USP10: variants seen among roughly 807,000 people sequenced by gnomAD.
USP10 encodes the protein ubiquitin specific peptidase 10, also known as ubiquitin carboxyl-terminal hydrolase 10.
In USP10, 22 loss-of-function variants were observed where a neutral mutation model predicts 84.5. The ratio of observed to expected loss-of-function variants is 0.26; its 90% CI spans 0.19 to 0.37. The LOEUF (loss-of-function observed/expected upper bound fraction) is 0.37. Among genes scored for constraint, USP10 ranks in the 10% least tolerant of loss-of-function variants. The pLI, the probability that USP10 is intolerant of heterozygous loss-of-function variation, is 1.00. For synonymous variants in USP10, 454 were observed against 387.6 expected (o/e 1.17, Z -2.01); for missense variants, 1,019 against 998.9 (o/e 1.02, Z -0.27).
rs932228957 is a variant in USP10, at chr16:84,775,102, T to C, written c.2144-58T>C. 1.2e-5 allele frequency: 18 copies of C among 1,491,430 alleles called. No homozygotes were observed. The African/African-American group carries it at 1.8e-4, about 15-fold the overall frequency. 92.4% of individuals were successfully genotyped at this position (1,491,430 alleles called of 1,614,324 possible). On this transcript the variant is annotated intron_variant, in intron 12 of 13. Transcript: ENST00000219473. Reference sequence around the variant, plus strand: ...GAGAATGTTGTTAGCCATTTTCTGCTGCTGTTACCCTGAACCTTTCTAAAA... The same window carrying C: ...GAGAATGTTGTTAGCCATTTTCTGCCGCTGTTACCCTGAACCTTTCTAAAA...
Position 84,759,409 on chromosome 16 carries a change from A to G in USP10, c.1331A>G (p.Lys444Arg). ...VACPPMYHLM[K>R]FIPLYSKVQR... ...TGCCCGCCGATGTACCACCTGATGA[A>G]GTTCATTCCTCTGTATTCCAAAGTG... Residue 444 changes from lysine (K) to arginine (R), a missense_variant, in exon 6 of 14, where the codon AAG (lysine) becomes AGG (arginine). Lys to Arg is a conservative substitution (Grantham distance 26, BLOSUM62 2). Coordinates refer to ENST00000219473, the MANE Select transcript of USP10 (RefSeq NM_005153.3). The G allele has an allele frequency of 6.2e-7, 1 of 1,613,962 alleles. No homozygotes were observed. The highest frequency in any genetic ancestry group is 8.5e-7 in the Non-Finnish European group (1 of 1,179,876).
chr16:84,772,745 C>G (rs557261845), intron 12 of USP10, 60 bp downstream of exon 12: 781 of 1,592,956 alleles, frequency 4.9e-4, no homozygotes, highest in Non-Finnish European at 6.0e-4. Context: ...ATCAGAAGCT[C>G]AACCCTGTAG....
intron 4 of USP10, among the ~76,000 whole-genome samples, chr16:84,753,710 A>C (rs545274301): frequency 6.6e-6 from 1 of 152,346 alleles, no homozygotes; most frequent in East Asian, 1.9e-4. Flanking sequence ...AATGACCTTT[A>C]AAGTCTGTTG....
At chr16:84,712,690 CTTGA>C (rs1200915310) in intron 1 of USP10, among the ~76,000 whole-genome samples, 4 of 152,176 alleles carry the variant, frequency 2.6e-5, no homozygotes, top group Non-Finnish European at 2.9e-5. Flanking sequence ...ACAGTATCAC[CTTGA>C]TTGTCATTTC....
intron 1 of USP10, among the ~76,000 whole-genome samples, chr16:84,713,328 T>G (rs534150080): frequency 6.6e-6 from 1 of 152,182 alleles, no homozygotes; most frequent in African/African-American, 2.4e-5. Context: ...CTCCCCTACT[T>G]TCAGTGAGTC....
intron 11 of USP10, among the ~76,000 whole-genome samples, chr16:84,769,960 C>A (rs371901526): frequency 6.6e-6 from 1 of 152,018 alleles, no homozygotes; most frequent in Non-Finnish European, 1.5e-5. Flanking sequence ...AGAAAGAAGG[C>A]GGGCCAGGTG....
chr16:84,751,038 C>T (rs1261468220), intron 4 of USP10, among the ~76,000 whole-genome samples: 1 of 152,220 alleles, frequency 6.6e-6, no homozygotes, highest in Admixed American at 6.5e-5. Context: ...TTATGTGCTG[C>T]TTTAATGATG....
chr16:84,777,333 A>G (rs1475648448), intron 13 of USP10, among the ~76,000 whole-genome samples: 3 of 152,206 alleles, frequency 2.0e-5, no homozygotes, highest in East Asian at 1.9e-4. Context: ...TAAAACCCCC[A>G]GGCCCTGCAG....
At chr16:84,758,840 C>G (rs62050884) in intron 5 of USP10, 33 bp downstream of exon 5, 3 of 1,484,682 alleles carry the variant, frequency 2.0e-6, no homozygotes, top group Admixed American at 3.4e-5. Flanking sequence ...GCAAGGCCAG[C>G]TTGTTGCAGC....
intron 11 of USP10, among the ~76,000 whole-genome samples, chr16:84,770,986 G>A (rs1914389335): frequency 6.6e-6 from 1 of 151,728 alleles, no homozygotes; most frequent in African/African-American, 2.4e-5. Flanking sequence ...GAACCCTGGA[G>A]GTGGAGGTTG....
At chr16:84,752,317 G>C (rs1404117290) in intron 4 of USP10, among the ~76,000 whole-genome samples, 1 of 152,188 alleles carries the variant, frequency 6.6e-6, no homozygotes, top group African/African-American at 2.4e-5. Context: ...GAATTGAAAA[G>C]AAGGCTTCTG....
intron 4 of USP10, among the ~76,000 whole-genome samples, chr16:84,750,932 A>G (rs1206768831): frequency 1.3e-5 from 2 of 152,216 alleles, no homozygotes; most frequent in Non-Finnish European, 2.9e-5. Flanking sequence ...TTTTATACCT[A>G]AAAGGCATTG....
intron 9 of USP10, 21 bp downstream of exon 9, chr16:84,763,109 C>T (rs374962856): frequency 1.9e-5 from 30 of 1,543,488 alleles, no homozygotes; most frequent in African/African-American, 1.4e-4. Flanking sequence ...GTCCACTTGC[C>T]GCAGAGTTGT....
chr16:84,725,206 T>A (rs927616405), intron 1 of USP10, among the ~76,000 whole-genome samples: 2 of 152,136 alleles, frequency 1.3e-5, no homozygotes, highest in Non-Finnish European at 2.9e-5. Flanking sequence ...TCCCCCATTC[T>A]CCTCTCCTCC....
At chr16:84,767,188 T>C (rs1282672697) in intron 10 of USP10, among the ~76,000 whole-genome samples, 1 of 152,130 alleles carries the variant, frequency 6.6e-6, no homozygotes, top group Non-Finnish European at 1.5e-5. Context: ...CCTGAGTACC[T>C]GTCCACACCC....
intron 8 of USP10, among the ~76,000 whole-genome samples, chr16:84,761,616 A>G (rs1913213486): frequency 6.6e-6 from 1 of 152,116 alleles, no homozygotes; most frequent in Non-Finnish European, 1.5e-5. Context: ...GTCATTACAG[A>G]CTCCGTGTCC....
intron 10 of USP10, among the ~76,000 whole-genome samples, chr16:84,767,774 TTA>T (rs1334760868): frequency 3.6e-5 from 5 of 137,424 alleles, no homozygotes; most frequent in African/African-American, 1.3e-4. Context: ...AGAATTATTA[TTA>T]TTTTTTTTAA....
intron 2 of USP10, among the ~76,000 whole-genome samples, chr16:84,738,644 C>G (rs1177399899): frequency 6.6e-6 from 1 of 152,184 alleles, no homozygotes; most frequent in African/African-American, 2.4e-5. Context: ...CAACGTGATG[C>G]GTACTAGGTT....
Position 84,735,236 on chromosome 16 carries a change from T to TGTGTGG in USP10, c.90+1734_90+1735insTGTGGG, listed in dbSNP as rs1354495965. Among the ~76,000 whole-genome samples, 5 of 121,684 alleles carry TGTGTGG rather than the reference T, an allele frequency of 4.1e-5. No individual in the cohort carries two copies. In the South Asian group the frequency reaches 8.0e-4, roughly 20 times the overall value. 79.8% of individuals were successfully genotyped at this position (121,684 alleles called of 152,430 possible). A position where few individuals can be genotyped will look rare whatever the true frequency, so the allele number is the denominator to read the frequency against. On this transcript the variant is annotated intron_variant, in intron 2 of 13. Transcript: ENST00000219473. ...GTGTGTGTGTGTGTGTGTGTGTGTG[T>TGTGTGG]GGTGTGTGTGTTTTTAAGTAAGGGG...
Sources: gnomAD v4.1 joint callset for allele counts (sites outside exome capture counted in the v4.1 genomes callset) on GRCh38, gnomAD v4.1.1 for gene constraint, MANE v1.5 for transcripts, NCBI Gene and HGNC (gene_info 2026-07-23, HGNC 2026-07-21) for gene names.